Variants in TMTC2 observed in about 807,000 individuals in gnomAD.
TMTC2 encodes the protein transmembrane O-mannosyltransferase targeting cadherins 2, also known as protein O-mannosyl-transferase TMTC2.
A neutral mutation model predicts 82.4 loss-of-function variants in TMTC2; 43 were observed. The observed-to-expected ratio is 0.52, with a 90% CI of 0.41 to 0.67. TMTC2 has a LOEUF of 0.67. TMTC2 is among the 30% of genes least tolerant of loss of function. The pLI is 0.00. For missense variants in TMTC2, 919 were observed against 1,012.4 expected (o/e 0.91, Z 1.25); for synonymous variants, 408 against 381.9 (o/e 1.07, Z -0.80).
intron 4 of TMTC2, among the ~76,000 whole-genome samples, chr12:82,963,450 CTCTTTATCTGAATTTTTTTTT>C (rs1206053701): frequency 1.3e-5 from 2 of 151,360 alleles, no homozygotes; most frequent in African/African-American, 4.9e-5. Context: ...GGAGATGCAC[CTCTTTATCTGAATTTTTTTTT>C]TCTTTATCTG....
At chr12:83,050,722 T>C (rs1179871508) in intron 9 of TMTC2, among the ~76,000 whole-genome samples, 182 bp from the exon 10 acceptor site, 1 of 152,134 alleles carries the variant, frequency 6.6e-6, no homozygotes, top group Non-Finnish European at 1.5e-5. Flanking sequence ...AGTTAGCAAA[T>C]AGAAACCTTG....
Position 83,038,927 on chromosome 12 carries a change from G to GTTT in TMTC2, c.2152+8067_2152+8069dup, listed in dbSNP as rs537630267. On this transcript the variant is annotated intron_variant, in intron 9 of 11. Coordinates refer to ENST00000321196, the MANE Select transcript of TMTC2 (RefSeq NM_152588.3). ...AAAATATGAAAGAACAAGCACCTTG[G>GTTT]TTTTTTTTTTTTTTTTTTTTTGAGA... is the stretch of plus-strand genomic sequence containing the variant. Among the ~76,000 whole-genome samples, 62 of 109,100 alleles carry GTTT rather than the reference G, an allele frequency of 5.7e-4. 1 individual carries two copies. Among genetic ancestry groups the GTTT allele is most frequent in the Middle Eastern group, 5.7e-3 (1 of 174 alleles). The allele number at this position is 109,100 out of a possible 152,430, so 71.6% of individuals were successfully genotyped here.
chr12:82,694,046 T>C (rs1305810264), intron 1 of TMTC2, among the ~76,000 whole-genome samples: 1 of 151,582 alleles, frequency 6.6e-6, no homozygotes, highest in Non-Finnish European at 1.5e-5. Context: ...GTTTTTTGGG[T>C]TTATAACTTT....
intron 3 of TMTC2, among the ~76,000 whole-genome samples, chr12:82,897,892 C>T (rs1263288701): frequency 3.3e-5 from 5 of 152,006 alleles, no homozygotes. Context: ...CTCTTTCCAA[C>T]ACAATTCTAT....
chr12:83,036,017 A>G (rs1408976753), intron 9 of TMTC2, among the ~76,000 whole-genome samples: 1 of 152,172 alleles, frequency 6.6e-6, no homozygotes, highest in Non-Finnish European at 1.5e-5. Flanking sequence ...ACTGAAGAAA[A>G]ATACTCTTAT....
intron 8 of TMTC2, among the ~76,000 whole-genome samples, chr12:83,000,710 C>T (rs1474772183): frequency 6.6e-6 from 1 of 152,182 alleles, no homozygotes; most frequent in Non-Finnish European, 1.5e-5. Flanking sequence ...CCAGTGGGGA[C>T]TCTATGGGGA....
chr12:82,986,069 C>A, intron 8 of TMTC2, 23 bp downstream of exon 8: 1 of 1,613,760 alleles, frequency 6.2e-7, no homozygotes, highest in Non-Finnish European at 8.5e-7. Flanking sequence ...CTTCCTTGGT[C>A]TTTAAAACTT....
At chr12:82,897,229 A>T (rs902862549) in intron 3 of TMTC2, among the ~76,000 whole-genome samples, 1 of 152,220 alleles carries the variant, frequency 6.6e-6, no homozygotes, top group African/African-American at 2.4e-5. Context: ...GCAAGTTTTT[A>T]CTTGAGTTCT....
chr12:83,068,581 T>G (rs1031524424), intron 11 of TMTC2, among the ~76,000 whole-genome samples: 5 of 152,198 alleles, frequency 3.3e-5, no homozygotes, highest in Non-Finnish European at 7.4e-5. Context: ...TTTTAGGCAT[T>G]GATTTTATGT....
intron 7 of TMTC2, among the ~76,000 whole-genome samples, chr12:82,969,517 G>T (rs1367691949): frequency 6.6e-6 from 1 of 152,072 alleles, no homozygotes; most frequent in Non-Finnish European, 1.5e-5. Context: ...ATTCACTGCA[G>T]TTGCTTTTGT....
At chr12:83,106,932 T>C (rs776695786) in intron 11 of TMTC2, among the ~76,000 whole-genome samples, 2 of 152,222 alleles carry the variant, frequency 1.3e-5, no homozygotes, top group Non-Finnish European at 2.9e-5. Flanking sequence ...AAGGGGAATC[T>C]AAGATGTGAC....
chr12:82,773,985 T>C (rs537469841), intron 1 of TMTC2, among the ~76,000 whole-genome samples: 2 of 152,254 alleles, frequency 1.3e-5, no homozygotes, highest in Admixed American at 1.3e-4. Flanking sequence ...TAATTTGATG[T>C]AGTTTAGAAT....
At chr12:82,726,655 C>T (rs1874464297) in intron 1 of TMTC2, among the ~76,000 whole-genome samples, 2 of 152,004 alleles carry the variant, frequency 1.3e-5, no homozygotes, top group Admixed American at 1.3e-4. Flanking sequence ...CCAAGGTGGG[C>T]AGATCACAAG....
rs568160482 is a variant in TMTC2, at chr12:82,859,803, C to T, written c.654+2223C>T. 3.9e-5 allele frequency among the ~76,000 whole-genome samples: 6 copies of T among 152,242 alleles called. 1 individual carries two copies. In the South Asian group the frequency reaches 6.2e-4, roughly 16 times the overall value. ...TGGCTCTTTGCCCAGACTCTCTTGG[C>T]GACCACCACTTGCAGGGCTAGGCAA... On this transcript the variant is annotated intron_variant, in intron 2 of 11. Transcript: ENST00000321196.
chr12:82,976,090 A>G (rs1177252784), intron 7 of TMTC2, among the ~76,000 whole-genome samples: 1 of 152,154 alleles, frequency 6.6e-6, no homozygotes, highest in African/African-American at 2.4e-5. Flanking sequence ...ACACGTGCAC[A>G]TGCACACACA....
chr12:82,697,189 A>G (rs1872847816), intron 1 of TMTC2, among the ~76,000 whole-genome samples: 1 of 151,776 alleles, frequency 6.6e-6, no homozygotes, highest in Non-Finnish European at 1.5e-5. Context: ...ACTAAAATAC[A>G]AAAAATTAAC....
intron 2 of TMTC2, among the ~76,000 whole-genome samples, chr12:82,874,180 G>C (rs1174792774): frequency 6.6e-6 from 1 of 152,160 alleles, no homozygotes; most frequent in Non-Finnish European, 1.5e-5. Flanking sequence ...TAGATAAAGG[G>C]AACATGCTGT....
At chr12:82,762,137 T>C (rs1040614531) in intron 1 of TMTC2, among the ~76,000 whole-genome samples, 12 of 152,152 alleles carry the variant, frequency 7.9e-5, no homozygotes, top group African/African-American at 2.4e-4. Context: ...AGGCTAATTT[T>C]TGTATTTTTT....
chr12:82,910,898 A>G (rs2137208754), intron 3 of TMTC2, among the ~76,000 whole-genome samples: 1 of 150,098 alleles, frequency 6.7e-6, no homozygotes, highest in South Asian at 2.1e-4. Context: ...TTTTAGAGAC[A>G]GAGGCAGAGT....
Sources: allele counts gnomAD v4.1 joint callset (sites outside exome capture counted in the v4.1 genomes callset), GRCh38; gene constraint gnomAD v4.1.1; transcripts MANE v1.5; gene names NCBI Gene and HGNC (gene_info 2026-07-23, HGNC 2026-07-21).